Variants in CHD1 observed in about 807,000 individuals in gnomAD.
The protein encoded by CHD1 is ATP-dependent chromatin remodeler CHD1.
A neutral mutation model predicts 224.2 loss-of-function variants in CHD1; 36 were observed. The observed-to-expected ratio is 0.16, with a 90% CI of 0.12 to 0.21. The LOEUF is 0.21. Ranked by LOEUF, CHD1 falls within the 10% of genes least tolerant of loss-of-function variation. CHD1 has a pLI of 1.00. For missense variants in CHD1, 1,378 were observed against 1,994.8 expected, an observed-to-expected ratio of 0.69 and a Z score of 5.89; for synonymous variants, 668 against 658.3, an observed-to-expected ratio of 1.01 and a Z score of -0.23.
At chr5:98,904,387 C>A (rs73776027) in intron 3 of CHD1, among the ~76,000 whole-genome samples, 19,070 of 152,196 alleles carry the variant, frequency 0.13, 1,896 homozygotes, top group African/African-American at 0.28. Context: ...CTGAGTAACA[C>A]TGTATACTAC....
chr5:98,868,362 A>G (rs1749065242), intron 31 of CHD1, 133 bp downstream of exon 31: 1 of 716,128 alleles, frequency 1.4e-6, no homozygotes, highest in African/African-American at 1.9e-5. Context: ...GACACCCTTC[A>G]AATTTCAAAT....
chr5:98,879,967 A>T (rs1750047184), intron 22 of CHD1, among the ~76,000 whole-genome samples: 1 of 152,250 alleles, frequency 6.6e-6, no homozygotes, highest in Non-Finnish European at 1.5e-5. Flanking sequence ...CAACAAAATT[A>T]GTAGCATCAC....
At chr5:98,868,219 C>T (rs928583316) in intron 31 of CHD1, among the ~76,000 whole-genome samples, 7 of 151,272 alleles carry the variant, frequency 4.6e-5, no homozygotes, top group East Asian at 2.0e-4. Context: ...CCCAGCTACT[C>T]GAGAGGCTGA....
Position 98,856,424 on chromosome 5 carries a change from G to A in CHD1, c.5089C>T (p.His1697Tyr). 2 of 1,613,344 alleles carry A rather than the reference G, an allele frequency of 1.2e-6. No individual in the cohort carries two copies. The highest frequency in any genetic ancestry group is 8.5e-7 in the Non-Finnish European group (1 of 1,179,634). Residue 1697 changes from histidine (H) to tyrosine (Y), a missense_variant, in exon 36 of 36, where the codon CAC (histidine) becomes TAC (tyrosine). This residue lies in a region of CHD1 where 278 missense variants were observed against 298.5 expected (regional missense o/e 0.93). Transcript: ENST00000614616. ...CAGGTATGCTCCGGTGTACTTTTGT[G>A]TTCAACTGAATGTTCAAATGGAGAT... is the stretch of plus-strand genomic sequence containing the variant. The part of the protein sequence containing the change: ...SRSPFEHSVE[H>Y]KSTPEHTWSS...
intron 32 of CHD1, chr5:98,860,349 A>G: frequency 2.8e-6 from 1 of 354,316 alleles, no homozygotes; most frequent in Non-Finnish European, 5.3e-6. Context: ...GAAATGCACC[A>G]AAGACATAAA....
chr5:98,917,299 C>CCAAAAAAAAAAAAAAAAAAAAAAAAAAA lies in CHD1; in HGVS notation c.53+9034_53+9035insTTTTTTTTTTTTTTTTTTTTTTTTTTTG, dbSNP rs775841258. 1.4e-3 allele frequency among the ~76,000 whole-genome samples: 163 copies of CCAAAAAAAAAAAAAAAAAAAAAAAAAAA among 119,804 alleles called. 25 individuals are homozygous for CCAAAAAAAAAAAAAAAAAAAAAAAAAAA. Among genetic ancestry groups the CCAAAAAAAAAAAAAAAAAAAAAAAAAAA allele is most frequent in the African/African-American group, 6.1e-3 (154 of 25,290 alleles). 78.6% of individuals were successfully genotyped at this position (119,804 alleles called of 152,430 possible). A position where few individuals can be genotyped will look rare whatever the true frequency, so the allele number is the denominator to read the frequency against. On this transcript the variant is annotated intron_variant, in intron 2 of 35. Coordinates refer to ENST00000614616, the MANE Select transcript of CHD1 (RefSeq NM_001270.4). ...GCCCATCCCTCCAAAAACAAAGAAACAAAAAAAAAAAACAACCTCTTAATT... is the reference window on the plus strand; with the variant it reads ...GCCCATCCCTCCAAAAACAAAGAAACCAAAAAAAAAAAAAAAAAAAAAAAAAAAAAAAAAAAAAAACAACCTCTTAATT...
At chr5:98,910,483 G>A (rs1475594636) in intron 2 of CHD1, among the ~76,000 whole-genome samples, 1 of 151,968 alleles carries the variant, frequency 6.6e-6, no homozygotes, top group Non-Finnish European at 1.5e-5. Context: ...TACTAATTTT[G>A]ATTTTATGTT....
At chr5:98,918,110 TGC>T (rs1334552096) in intron 2 of CHD1, among the ~76,000 whole-genome samples, 1 of 151,010 alleles carries the variant, frequency 6.6e-6, no homozygotes, top group Admixed American at 6.6e-5. Context: ...CAGGCTGGAG[TGC>T]CGTGGCACGA....
At chr5:98,926,838 G>C (rs1414946098) in intron 1 of CHD1, among the ~76,000 whole-genome samples, 1 of 145,206 alleles carries the variant, frequency 6.9e-6, no homozygotes, top group Non-Finnish European at 1.5e-5. Flanking sequence ...CCTAAAGCAA[G>C]GTGATACGAT....
At chr5:98,863,859 A>C (rs1172535467) in intron 31 of CHD1, among the ~76,000 whole-genome samples, 1 of 152,140 alleles carries the variant, frequency 6.6e-6, no homozygotes, top group Non-Finnish European at 1.5e-5. Flanking sequence ...AAAAATGGTT[A>C]TTTTTTATAT....
At chr5:98,885,797 T>G (rs1750611599) in intron 17 of CHD1, 148 bp from the exon 18 acceptor site, 1 of 580,256 alleles carries the variant, frequency 1.7e-6, no homozygotes, top group Non-Finnish European at 3.1e-6. Flanking sequence ...AAAATAATGC[T>G]CAGGCATTCT....
intron 2 of CHD1, among the ~76,000 whole-genome samples, chr5:98,912,098 T>C (rs1752460397): frequency 6.6e-6 from 1 of 151,960 alleles, no homozygotes; most frequent in African/African-American, 2.4e-5. Flanking sequence ...GTGTAAGAGG[T>C]GTGATTTCTG....
At chr5:98,925,550 A>C (rs908141204) in intron 2 of CHD1, among the ~76,000 whole-genome samples, 3 of 152,158 alleles carry the variant, frequency 2.0e-5, no homozygotes, top group African/African-American at 7.2e-5. Context: ...CCACATTCCT[A>C]ATTTCTATAT....
intron 2 of CHD1, among the ~76,000 whole-genome samples, chr5:98,905,342 T>C (rs1269483904): frequency 6.6e-6 from 1 of 152,222 alleles, no homozygotes; most frequent in African/African-American, 2.4e-5. Context: ...TATAGATTTT[T>C]ATGGCTAAAA....
intron 31 of CHD1, among the ~76,000 whole-genome samples, chr5:98,866,349 C>A (rs1172709158): frequency 1.3e-5 from 2 of 152,182 alleles, no homozygotes; most frequent in African/African-American, 2.4e-5. Context: ...TGGTAAAAAA[C>A]CAATATATTT....
At chr5:98,884,130 G>C (rs1469228732) in intron 18 of CHD1, among the ~76,000 whole-genome samples, 1 of 146,898 alleles carries the variant, frequency 6.8e-6, no homozygotes, top group Non-Finnish European at 1.5e-5. Context: ...CTGGAGTGCA[G>C]TGGCGCGATC....
intron 2 of CHD1, among the ~76,000 whole-genome samples, chr5:98,908,346 A>C (rs1752180168): frequency 6.6e-6 from 1 of 152,194 alleles, no homozygotes. Flanking sequence ...AATCAGGTTT[A>C]CTTCCACAGC....
intron 2 of CHD1, among the ~76,000 whole-genome samples, chr5:98,922,994 A>C (rs1408311312): frequency 6.7e-6 from 1 of 149,998 alleles, no homozygotes; most frequent in Non-Finnish European, 1.5e-5. Flanking sequence ...GGCTCAAAAA[A>C]AAGAAAAAAA....
chr5:98,917,673 C>T (rs1752824571), intron 2 of CHD1, among the ~76,000 whole-genome samples: 1 of 152,202 alleles, frequency 6.6e-6, no homozygotes, highest in African/African-American at 2.4e-5. Context: ...CTGAGAGATA[C>T]TGTAGACACT....
Sources: allele counts gnomAD v4.1 joint callset (sites outside exome capture counted in the v4.1 genomes callset), GRCh38; gene constraint gnomAD v4.1.1; regional missense constraint gnomAD v4.1.1; transcripts MANE v1.5; gene names NCBI Gene and HGNC (gene_info 2026-07-23, HGNC 2026-07-21).